Variants in SUMF1 observed in about 807,000 individuals in gnomAD.
SUMF1 encodes the protein sulfatase modifying factor 1.
A neutral mutation model predicts 47.6 loss-of-function variants in SUMF1; 48 were observed. The ratio of observed to expected loss-of-function variants is 1.01; its 90% CI spans 0.80 to 1.28. The LOEUF (loss-of-function observed/expected upper bound fraction) is 1.28. Ranked by LOEUF, SUMF1 falls within the 50% of genes most tolerant of loss-of-function variation. SUMF1 has a pLI of 0.00. For synonymous variants in SUMF1, 230 were observed against 192.1 expected (o/e 1.20, Z -1.63); for missense variants, 571 against 485.4 (o/e 1.18, Z -1.66).
In SUMF1 at chr3:4,247,744, T is replaced by C. The variant is rs116015453; in HGVS notation, c.1014+128586A>G. Among the ~76,000 whole-genome samples the C allele has an allele frequency of 5.8e-3, 878 of 152,218 alleles. 8 individuals carry two copies. Among genetic ancestry groups the C allele is most frequent in the African/African-American group, 0.019 (798 of 41,544 alleles). ...AGGAAGAATAGCAGTCCACTAGGCA[T>C]AGAAGAATACAAGCAGAAAAATGTA... On this transcript the variant is annotated intron_variant and NMD_transcript_variant, in intron 8 of 12. Coordinates refer to the SUMF1 transcript ENST00000448413.
At chr3:4,147,323 C>A (rs1694218956) in intron 8 of SUMF1, among the ~76,000 whole-genome samples, 1 of 151,922 alleles carries the variant, frequency 6.6e-6, no homozygotes, top group African/African-American at 2.4e-5. Context: ...GGGTATATAC[C>A]CAAAGGATTA....
chr3:4,294,905 T>C (rs310727), intron 8 of SUMF1, among the ~76,000 whole-genome samples: 85,183 of 151,910 alleles, frequency 0.56, 24,602 homozygotes, highest in African/African-American at 0.69. Context: ...AAAAAGGAGT[T>C]TCCACAGTCC....
intron 7 of SUMF1, among the ~76,000 whole-genome samples, chr3:4,390,440 A>G (rs1277985371): frequency 1.3e-5 from 2 of 152,130 alleles, no homozygotes; most frequent in South Asian, 2.1e-4. Flanking sequence ...TACTGTCTAA[A>G]AGCTTTCTGT....
At chr3:4,380,492 G>A (rs1014990190) in intron 7 of SUMF1, among the ~76,000 whole-genome samples, 17 of 152,084 alleles carry the variant, frequency 1.1e-4, no homozygotes, top group Non-Finnish European at 2.2e-4. Flanking sequence ...GATTACCTGG[G>A]TGACAAAATT....
At chr3:4,370,938 T>C (rs1700148888) in intron 8 of SUMF1, among the ~76,000 whole-genome samples, 1 of 152,098 alleles carries the variant, frequency 6.6e-6, no homozygotes, top group African/African-American at 2.4e-5. Context: ...TTAACCAAAA[T>C]GACAATAAAG....
At chr3:4,407,113 C>CAT (rs1372589839) in intron 7 of SUMF1, among the ~76,000 whole-genome samples, 1 of 148,854 alleles carries the variant, frequency 6.7e-6, no homozygotes, top group African/African-American at 2.4e-5. Flanking sequence ...CACACACACA[C>CAT]GTTAACACCA....
chr3:4,379,506 C>A (rs1339074543), intron 7 of SUMF1, among the ~76,000 whole-genome samples: 1 of 152,156 alleles, frequency 6.6e-6, no homozygotes, highest in African/African-American at 2.4e-5. Flanking sequence ...GCACAGCCAG[C>A]ACCTTGATTT....
intron 3 of SUMF1, among the ~76,000 whole-genome samples, chr3:4,430,746 C>T (rs1390370373): frequency 6.6e-6 from 1 of 152,050 alleles, no homozygotes; most frequent in East Asian, 1.9e-4. Flanking sequence ...AAGAGAAGCT[C>T]AATGAGCTAT....
chr3:4,402,441 A>T (rs1052253352), intron 7 of SUMF1, among the ~76,000 whole-genome samples: 1 of 152,166 alleles, frequency 6.6e-6, no homozygotes, highest in Non-Finnish European at 1.5e-5. Flanking sequence ...TTGGCACTCA[A>T]TCTTTCCTCA....
At chr3:4,139,328 T>A (rs1423637205) in intron 8 of SUMF1, among the ~76,000 whole-genome samples, 1 of 151,942 alleles carries the variant, frequency 6.6e-6, no homozygotes, top group Non-Finnish European at 1.5e-5. Context: ...ATGTTAGAGC[T>A]AGACTCATTC....
At chr3:4,037,352 C>A (rs1694818442) in intron 9 of SUMF1, among the ~76,000 whole-genome samples, 1 of 152,176 alleles carries the variant, frequency 6.6e-6, no homozygotes, top group Non-Finnish European at 1.5e-5. Context: ...TTATCCACCT[C>A]CACTTTTAAC....
At chr3:4,125,784 C>T (rs903267650) in intron 8 of SUMF1, among the ~76,000 whole-genome samples, 12 of 152,176 alleles carry the variant, frequency 7.9e-5, no homozygotes, top group Non-Finnish European at 1.5e-5. Flanking sequence ...AAGCAATCCT[C>T]CTGTCTCAGC....
chr3:4,456,960 GTATATATATACGTGTGTGTA>G (rs1287835671), intron 1 of SUMF1, among the ~76,000 whole-genome samples: 36 of 80,870 alleles, frequency 4.5e-4, no homozygotes, highest in South Asian at 2.5e-3. Flanking sequence ...ATACGTGTGT[GTATATATATACGTGTGTGTA>G]TATATATATA....
intron 8 of SUMF1, chr3:4,303,693 T>C: frequency 1.3e-6 from 2 of 1,500,670 alleles, no homozygotes; most frequent in Non-Finnish European, 1.8e-6. Context: ...TGGGCCTTTT[T>C]CTGTTGACCC....
chr3:4,263,426 G>C (rs1430404684), intron 8 of SUMF1, among the ~76,000 whole-genome samples: 5 of 152,174 alleles, frequency 3.3e-5, no homozygotes, highest in African/African-American at 1.2e-4. Flanking sequence ...TAAATGCTAT[G>C]AGGAAACATC....
At chr3:4,407,080 CAT>C (rs1292867504) in intron 7 of SUMF1, among the ~76,000 whole-genome samples, 3 of 116,298 alleles carry the variant, frequency 2.6e-5, no homozygotes, top group Admixed American at 9.2e-5. Context: ...AGGACACACA[CAT>C]GGGACACACA....
intron 8 of SUMF1, among the ~76,000 whole-genome samples, chr3:4,330,278 C>A (rs1034602798): frequency 6.6e-6 from 1 of 152,166 alleles, no homozygotes; most frequent in Admixed American, 6.6e-5. Context: ...ACAGCAGCAC[C>A]CCACTCTACC....
intron 8 of SUMF1, among the ~76,000 whole-genome samples, chr3:4,351,602 C>G (rs1392421706): frequency 1.3e-5 from 2 of 152,120 alleles, no homozygotes; most frequent in Non-Finnish European, 2.9e-5. Context: ...GAATGTGTTC[C>G]ATGCACCCAA....
At chr3:4,206,796 C>T (rs1250232771) in intron 8 of SUMF1, among the ~76,000 whole-genome samples, 1 of 151,958 alleles carries the variant, frequency 6.6e-6, no homozygotes, top group African/African-American at 2.4e-5. Context: ...TCTTGCTCCA[C>T]CTCTCCCCCA....
Sources: gnomAD v4.1 joint callset for allele counts (sites outside exome capture counted in the v4.1 genomes callset) on GRCh38, gnomAD v4.1.1 for gene constraint, MANE v1.5 for transcripts, NCBI Gene and HGNC (gene_info 2026-07-23, HGNC 2026-07-21) for gene names.